Variants in ROBO1 observed in about 807,000 individuals in gnomAD.
ROBO1 encodes roundabout guidance receptor 1.
ROBO1 carries 149 observed loss-of-function variants against 195.9 expected under a neutral mutation model. The observed-to-expected ratio is 0.76, with a 90% confidence interval of 0.67 to 0.87. The LOEUF (loss-of-function observed/expected upper bound fraction) is 0.87, where lower values mean the gene tolerates loss of function less well. Ranked by LOEUF, ROBO1 falls within the 40% of genes least tolerant of loss-of-function variation. The pLI is 0.00. For missense variants in ROBO1, 1,933 were observed against 2,068.3 expected (o/e 0.93, Z 1.27); for synonymous variants, 816 against 733.2 (o/e 1.11, Z -1.82).
intron 4 of ROBO1, among the ~76,000 whole-genome samples, chr3:78,849,330 T>G (rs898878147): frequency 4.6e-5 from 7 of 152,122 alleles, no homozygotes. Flanking sequence ...TAGAGAGCTT[T>G]TGGCAGAAAC....
chr3:79,566,075 GT>G (rs1943080672), intron 2 of ROBO1, among the ~76,000 whole-genome samples: 1 of 151,976 alleles, frequency 6.6e-6, no homozygotes, highest in African/African-American at 2.4e-5. Flanking sequence ...CTTCCTTTTA[GT>G]ATTAAAAATA....
chr3:78,950,732 A>G (rs926383714), intron 3 of ROBO1, among the ~76,000 whole-genome samples: 3 of 151,364 alleles, frequency 2.0e-5, no homozygotes, highest in African/African-American at 7.3e-5. Flanking sequence ...AAACCTGTTG[A>G]CTCTGTTGTG....
At chr3:79,059,103 C>T (rs1389290793) in intron 3 of ROBO1, among the ~76,000 whole-genome samples, 1 of 152,086 alleles carries the variant, frequency 6.6e-6, no homozygotes, top group Non-Finnish European at 1.5e-5. Flanking sequence ...ATATTGCATG[C>T]AAATGCAGTG....
chr3:79,687,546 A>C (rs1197189790), intron 1 of ROBO1, among the ~76,000 whole-genome samples: 2 of 152,216 alleles, frequency 1.3e-5, no homozygotes, highest in Non-Finnish European at 2.9e-5. Context: ...AACCCCATCA[A>C]AAAGTGGGAG....
intron 2 of ROBO1, among the ~76,000 whole-genome samples, chr3:79,166,562 T>TTTTTTTTA (rs1553693440): frequency 7.0e-6 from 1 of 143,356 alleles, no homozygotes; most frequent in Non-Finnish European, 1.5e-5. Flanking sequence ...CTATTTTTCT[T>TTTTTTTTA]TTTTTTTTTT....
At chr3:79,646,423 G>A (rs943679426) in intron 1 of ROBO1, among the ~76,000 whole-genome samples, 2 of 152,072 alleles carry the variant, frequency 1.3e-5, no homozygotes, top group African/African-American at 4.8e-5. Context: ...ATACTAACGA[G>A]CATGTGGAGA....
chr3:78,956,475 A>C (rs1006284061), intron 3 of ROBO1, among the ~76,000 whole-genome samples: 2 of 152,180 alleles, frequency 1.3e-5, no homozygotes, highest in African/African-American at 2.4e-5. Context: ...CATAAAAACC[A>C]GTTTTGTTGA....
chr3:79,733,745 T>C (rs1436055855), intron 1 of ROBO1, among the ~76,000 whole-genome samples: 1 of 152,178 alleles, frequency 6.6e-6, no homozygotes, highest in Non-Finnish European at 1.5e-5. Flanking sequence ...CTGTACTTAC[T>C]CTATCATTAT....
At chr3:79,124,063 A>G (rs571714027) in intron 3 of ROBO1, among the ~76,000 whole-genome samples, 1 of 152,224 alleles carries the variant, frequency 6.6e-6, no homozygotes, top group East Asian at 1.9e-4. Context: ...GCAAATTAGG[A>G]TACCCCTGAG....
chr3:78,752,105 T>C (rs926157959), intron 4 of ROBO1, among the ~76,000 whole-genome samples: 4 of 152,132 alleles, frequency 2.6e-5, no homozygotes, highest in Non-Finnish European at 5.9e-5. Flanking sequence ...AAATGCTAAA[T>C]AGCAACCCAT....
chr3:79,590,847 T>C (rs1248515072), intron 1 of ROBO1, among the ~76,000 whole-genome samples: 1 of 151,746 alleles, frequency 6.6e-6, no homozygotes, highest in Non-Finnish European at 1.5e-5. Context: ...TAGATAGATA[T>C]AGATCTATTC....
intron 3 of ROBO1, among the ~76,000 whole-genome samples, chr3:79,081,937 C>A (rs2079282463): frequency 6.6e-6 from 1 of 152,084 alleles, no homozygotes; most frequent in South Asian, 2.1e-4. Context: ...CTACATTGGT[C>A]TTTTAGCCAA....
At chr3:79,395,089 C>G in intron 2 of ROBO1, among the ~76,000 whole-genome samples, 1 of 151,822 alleles carries the variant, frequency 6.6e-6, no homozygotes, top group South Asian at 2.1e-4. Context: ...TTTGGGAGGC[C>G]GAGGCGGGCG....
chr3:79,352,254 CT>C (rs899179348), intron 2 of ROBO1, among the ~76,000 whole-genome samples: 8 of 152,118 alleles, frequency 5.3e-5, no homozygotes, highest in Non-Finnish European at 8.8e-5. Flanking sequence ...ATATATTTGA[CT>C]TTTCTGTTCT....
intron 27 of ROBO1, 126 bp downstream of exon 27, chr3:78,617,509 A>AAG: frequency 1.0e-6 from 1 of 983,210 alleles, no homozygotes; most frequent in Non-Finnish European, 1.4e-6. Context: ...AGGCAGCTAA[A>AAG]AAAAAAAAAA....
rs370078593 is a variant in ROBO1, at chr3:79,032,545, C to A, written c.172+92911G>T. Among the ~76,000 whole-genome samples the A allele has an allele frequency of 3.6e-4, 54 of 152,050 alleles. 1 individual carries two copies. The East Asian group carries it at 6.6e-3, about 18-fold the overall frequency. The stretch of plus-strand genomic sequence containing the variant: ...TTTAGCTCAGATAATTCACTTACTA[C>A]CCTTTATGAAATGGCAATAGAATCT... On this transcript the variant is annotated intron_variant, in intron 3 of 30. Transcript: ENST00000464233.
intron 21 of ROBO1, 129 bp from the exon 22 acceptor site, chr3:78,640,027 T>C (rs761084064): frequency 6.8e-5 from 54 of 790,728 alleles, no homozygotes; most frequent in Non-Finnish European, 9.1e-5. Context: ...TGAATGACAT[T>C]ATTATCCCTT....
At chr3:78,883,935 G>C (rs2036341117) in intron 4 of ROBO1, among the ~76,000 whole-genome samples, 1 of 152,110 alleles carries the variant, frequency 6.6e-6, no homozygotes, top group Non-Finnish European at 1.5e-5. Context: ...AGCTAGGATG[G>C]GGGATTATGC....
In ROBO1 at chr3:79,576,406, G is replaced by A. The variant is rs1002669641; in HGVS notation, c.88+13418C>T. ...TTTCCAAAATCTTACCAGTATATAC[G>A]TTTTAAAAGTAATAATACCTACTCT... On this transcript the variant is annotated intron_variant, in intron 2 of 30. Coordinates refer to ENST00000464233, the MANE Select transcript of ROBO1 (RefSeq NM_002941.4). Among the ~76,000 whole-genome samples, 55 of 151,620 alleles carry A rather than the reference G, an allele frequency of 3.6e-4. 1 individual carries two copies. The highest frequency in any genetic ancestry group is 2.1e-4 in the South Asian group (1 of 4,804).
Sources: gnomAD v4.1 joint callset for allele counts (sites outside exome capture counted in the v4.1 genomes callset) on GRCh38, gnomAD v4.1.1 for gene constraint, MANE v1.5 for transcripts, NCBI Gene and HGNC (gene_info 2026-07-23, HGNC 2026-07-21) for gene names.